Variants in UTRN observed in about 807,000 individuals in gnomAD.
The protein encoded by UTRN is dystrophin-related protein 1.
In UTRN, 283 loss-of-function variants were observed where a neutral mutation model predicts 463.9. The observed-to-expected ratio is 0.61, with a 90% CI of 0.55 to 0.67. The LOEUF is 0.67. UTRN is among the 30% of genes least tolerant of loss of function. The probability of loss-of-function intolerance (pLI) is 0.00; values close to 1 mark genes in which losing one functional copy is unlikely to be tolerated. For synonymous variants in UTRN, 1,442 were observed against 1,431.5 expected, an observed-to-expected ratio of 1.01 and a Z score of -0.17; for missense variants, 3,922 against 4,084.3, an observed-to-expected ratio of 0.96 and a Z score of 1.08.
chr6:144,713,323 G>A (rs912897570), intron 53 of UTRN, among the ~76,000 whole-genome samples: 1 of 152,064 alleles, frequency 6.6e-6, no homozygotes, highest in African/African-American at 2.4e-5. Context: ...AGAGTACAGG[G>A]GGCCGGGTGC....
Position 144,658,472 on chromosome 6 carries a change from G to A in UTRN, c.7480-19934G>A, listed in dbSNP as rs146556447. Among the ~76,000 whole-genome samples the A allele has an allele frequency of 1.0e-3, 159 of 152,234 alleles. 1 individual carries two copies. Among genetic ancestry groups the A allele is most frequent in the Non-Finnish European group, 1.1e-3 (78 of 67,998 alleles). On this transcript the variant is annotated intron_variant, in intron 51 of 74. Transcript: ENST00000367545. ...TCTCTTACGACCCATGATTAAATAA[G>A]TGCTAACGGTATTGATATTTAAGCA...
intron 3 of UTRN, among the ~76,000 whole-genome samples, chr6:144,420,981 T>A (rs1784785719): frequency 6.6e-6 from 1 of 152,218 alleles, no homozygotes; most frequent in South Asian, 2.1e-4. Context: ...TTACTGTATA[T>A]TTGTGTGAAA....
intron 27 of UTRN, 130 bp from the exon 28 acceptor site, chr6:144,485,254 TC>T: frequency 1.5e-6 from 2 of 1,335,482 alleles, no homozygotes; most frequent in Non-Finnish European, 2.0e-6. Context: ...AAGTTTCAAC[TC>T]CATCAGTTCT....
chr6:144,307,977 C>G (rs1330578351), intron 2 of UTRN, among the ~76,000 whole-genome samples: 1 of 152,120 alleles, frequency 6.6e-6, no homozygotes, highest in African/African-American at 2.4e-5. Context: ...TCTCCCAGCC[C>G]TCTCCTACTA....
At chr6:144,628,140 C>T (rs564160871) in intron 51 of UTRN, among the ~76,000 whole-genome samples, 2 of 152,096 alleles carry the variant, frequency 1.3e-5, no homozygotes, top group African/African-American at 4.8e-5. Flanking sequence ...GCATATATCA[C>T]ATTTTGCTTA....
chr6:144,676,727 T>C (rs1562749736), intron 51 of UTRN, among the ~76,000 whole-genome samples: 1 of 152,114 alleles, frequency 6.6e-6, no homozygotes, highest in Non-Finnish European at 1.5e-5. Context: ...TTGTTACTAG[T>C]TTTTATTTCT....
At chr6:144,784,812 G>C (rs1470834087) in intron 61 of UTRN, among the ~76,000 whole-genome samples, 1 of 152,182 alleles carries the variant, frequency 6.6e-6, no homozygotes, top group African/African-American at 2.4e-5. Context: ...CATTTAGAAA[G>C]ACAGTATCTT....
chr6:144,713,174 C>T (rs780709254), intron 53 of UTRN, among the ~76,000 whole-genome samples: 1 of 152,142 alleles, frequency 6.6e-6, no homozygotes, highest in African/African-American at 2.4e-5. Context: ...CTCCTAAGAG[C>T]ATTTCCTTTG....
intron 51 of UTRN, among the ~76,000 whole-genome samples, chr6:144,661,914 A>G (rs1265567772): frequency 6.6e-6 from 1 of 152,162 alleles, no homozygotes; most frequent in Non-Finnish European, 1.5e-5. Context: ...TATTTGTCTT[A>G]TTCCTATTTT....
At chr6:144,556,514 T>C (rs1458579728) in intron 49 of UTRN, among the ~76,000 whole-genome samples, 10 of 152,228 alleles carry the variant, frequency 6.6e-5, no homozygotes. Flanking sequence ...ATCTTCCCAA[T>C]TGCTACAAAA....
intron 69 of UTRN, among the ~76,000 whole-genome samples, chr6:144,829,161 A>G (rs1310652510): frequency 6.6e-6 from 1 of 152,070 alleles, no homozygotes; most frequent in East Asian, 1.9e-4. Flanking sequence ...TTTGTCTTAT[A>G]TTTCTTATTA....
At chr6:144,817,075 G>T (rs1160066097) in intron 65 of UTRN, among the ~76,000 whole-genome samples, 1 of 152,080 alleles carries the variant, frequency 6.6e-6, no homozygotes, top group East Asian at 1.9e-4. Context: ...TTGTAAAAAG[G>T]CTCAAGTTTT....
chr6:144,448,614 A>G lies in UTRN; in HGVS notation c.1917A>G (p.Val639=), dbSNP rs369623730. 1 of 1,613,790 alleles carries G rather than the reference A, an allele frequency of 6.2e-7. No homozygotes were observed. The highest frequency in any genetic ancestry group is 1.3e-5 in the African/African-American group (1 of 74,928). Residue 639 remains valine, a synonymous_variant, in exon 17 of 75, where the codon GTA becomes GTG. Transcript: ENST00000367545. ...TTTTATTTCAGGTGACTCAGGCTGT[A>G]GCAAAGCTGGGGATGTCTCAGATTC... The part of the protein sequence containing the change: ...EDSSNQVTQA[V]AKLGMSQIPQ...
chr6:144,551,025 C>A lies in UTRN; in HGVS notation c.6871C>A (p.Gln2291Lys), dbSNP rs1486816318. 1 of 1,612,012 alleles carries A rather than the reference C, an allele frequency of 6.2e-7. No homozygotes were observed. The highest frequency in any genetic ancestry group is 8.5e-7 in the Non-Finnish European group (1 of 1,179,434). Residue 2291 changes from glutamine (Q) to lysine (K), a missense_variant, in exon 48 of 75, where the codon CAG becomes AAG. Transcript: ENST00000367545. The part of the protein sequence containing the change: ...PQLDYVFTLA[Q>K]NLKNKASSSD... Reference sequence around the variant, plus strand: ...GCTGGATTATGTTTTTACATTGGCACAGAATTTGAAAAATAAAGCTTCCAG... The same window carrying A: ...GCTGGATTATGTTTTTACATTGGCAAAGAATTTGAAAAATAAAGCTTCCAG...
intron 2 of UTRN, among the ~76,000 whole-genome samples, chr6:144,302,966 T>C (rs1382528703): frequency 6.6e-6 from 1 of 152,178 alleles, no homozygotes; most frequent in Admixed American, 6.5e-5. Context: ...GAAAGCCCTT[T>C]TGAAGCAGGG....
chr6:144,332,414 A>G (rs1776402691), intron 2 of UTRN, among the ~76,000 whole-genome samples: 1 of 152,220 alleles, frequency 6.6e-6, no homozygotes, highest in Non-Finnish European at 1.5e-5. Context: ...GAACAAAAGC[A>G]TTTGTAATAG....
intron 2 of UTRN, among the ~76,000 whole-genome samples, chr6:144,305,764 C>A (rs1226588140): frequency 6.6e-6 from 1 of 152,170 alleles, no homozygotes; most frequent in East Asian, 1.9e-4. Context: ...TTTTGGCTGA[C>A]CCTGGGAAGG....
At chr6:144,766,940 T>C (rs1390917819) in intron 58 of UTRN, among the ~76,000 whole-genome samples, 2 of 152,074 alleles carry the variant, frequency 1.3e-5, no homozygotes, top group African/African-American at 4.8e-5. Flanking sequence ...GGGGGACAAT[T>C]TCTCAGTTAA....
intron 54 of UTRN, among the ~76,000 whole-genome samples, chr6:144,743,678 C>T (rs939937706): frequency 6.6e-6 from 1 of 152,154 alleles, no homozygotes; most frequent in African/African-American, 2.4e-5. Flanking sequence ...TTTTCACCTG[C>T]ATTCTAGGGA....
Sources: gnomAD v4.1 joint callset for allele counts (sites outside exome capture counted in the v4.1 genomes callset) on GRCh38, gnomAD v4.1.1 for gene constraint, MANE v1.5 for transcripts, NCBI Gene and HGNC (gene_info 2026-07-23, HGNC 2026-07-21) for gene names.